ABLIM3: variants seen among roughly 807,000 people sequenced by gnomAD.
The protein encoded by ABLIM3 is actin binding LIM protein family member 3.
Under a neutral mutation model 109.5 loss-of-function variants are expected in ABLIM3, and 61 were observed. The observed-to-expected ratio is 0.56, with a 90% CI of 0.45 to 0.69. The LOEUF (loss-of-function observed/expected upper bound fraction) is 0.69, where lower values mean the gene tolerates loss of function less well. Ranked by LOEUF, ABLIM3 falls within the 30% of genes least tolerant of loss-of-function variation. The pLI, the probability that ABLIM3 is intolerant of heterozygous loss-of-function variation, is 0.00. For synonymous variants in ABLIM3, 300 were observed against 324.8 expected (o/e 0.92, Z 0.82); for missense variants, 796 against 889.5 (o/e 0.89, Z 1.34).
At chr5:149,240,845 C>A in intron 14 of ABLIM3, 71 bp downstream of exon 14, 1 of 1,394,902 alleles carries the variant, frequency 7.2e-7, no homozygotes, top group Non-Finnish European at 1.0e-6. Flanking sequence ...CTGAGTCACC[C>A]CCTCGATGCC....
chr5:149,183,483 G>A lies in ABLIM3; in HGVS notation c.45G>A (p.Arg15=). The A allele has an allele frequency of 6.3e-7, 1 of 1,584,934 alleles. No individual in the cohort carries two copies. The highest frequency in any genetic ancestry group is 8.6e-7 in the Non-Finnish European group (1 of 1,166,296). The part of the protein sequence containing the change: ...IPYQQNPYNP[R]GSSNVIQCYR... ...ATCAGCAGAATCCTTACAATCCACG[G>A]GGCAGCTCCAATGTCATCCAGTGCT... Residue 15 remains arginine, a synonymous_variant, in exon 3 of 24, where the codon CGG becomes CGA. Transcript: ENST00000309868.
chr5:149,251,665 A>G (rs1753940971), intron 21 of ABLIM3, among the ~76,000 whole-genome samples: 1 of 151,768 alleles, frequency 6.6e-6, no homozygotes, highest in Non-Finnish European at 1.5e-5. Flanking sequence ...TCCCAGAACC[A>G]TCACAGAGTT....
intron 5 of ABLIM3, among the ~76,000 whole-genome samples, chr5:149,202,003 A>T (rs1758539066): frequency 6.6e-6 from 1 of 152,264 alleles, no homozygotes; most frequent in South Asian, 2.1e-4. Context: ...TCAAACTAAG[A>T]TACATTGCTT....
chr5:149,242,927 C>T (rs989139402), intron 15 of ABLIM3, among the ~76,000 whole-genome samples: 3 of 152,220 alleles, frequency 2.0e-5, no homozygotes, highest in African/African-American at 7.2e-5. Context: ...CCACCCCAGG[C>T]TTACTGAATT....
chr5:149,239,600 C>T (rs761254471), intron 12 of ABLIM3, among the ~76,000 whole-genome samples, 159 bp from the exon 13 acceptor site: 15 of 150,622 alleles, frequency 1.0e-4, no homozygotes, highest in South Asian at 4.2e-4. Context: ...CCATCTTCCT[C>T]GGGCTGTGTG....
rs191158228 is a variant in ABLIM3, at chr5:149,226,342, G to A, written c.758-4307G>A. On this transcript the variant is annotated intron_variant, in intron 8 of 23. Coordinates refer to ENST00000309868, the MANE Select transcript of ABLIM3 (RefSeq NM_014945.5). The stretch of plus-strand genomic sequence containing the variant: ...CTACTAAAAATACAAAAAATTAGCC[G>A]AGTGTGGTGGCATGCACCTGTAGTC... Among the ~76,000 whole-genome samples, 8 of 152,048 alleles carry A rather than the reference G, an allele frequency of 5.3e-5. No individual in the cohort carries two copies. In the East Asian group the frequency reaches 9.7e-4, roughly 18 times the overall value.
At chr5:149,235,546 C>G (rs1762262002) in intron 10 of ABLIM3, among the ~76,000 whole-genome samples, 1 of 152,090 alleles carries the variant, frequency 6.6e-6, no homozygotes, top group South Asian at 2.1e-4. Context: ...AACAAAGTGG[C>G]TATAGGAAGA....
At position 149,259,760 on chromosome 5, in the gene ABLIM3, G is replaced by A. The variant is rs114525718; in HGVS notation, c.*1356G>A. On this transcript the variant is annotated 3_prime_UTR_variant, in exon 24 of 24. Transcript: ENST00000309868. ...TTCCTTCTTGGAGAAGCCTTGAGTC[G>A]GACCATTTTGAGATCATGGAGGAAG... 9 of 655,524 alleles carry A rather than the reference G, an allele frequency of 1.4e-5. No individual in the cohort carries two copies. The highest frequency in any genetic ancestry group is 3.0e-4 in the Middle Eastern group (1 of 3,376). The allele number at this position is 655,524 out of a possible 1,614,324, so 40.6% of individuals were successfully genotyped here. A position where few individuals can be genotyped will look rare whatever the true frequency, so the allele number is the denominator to read the frequency against.
At position 149,183,546 on chromosome 5, in the gene ABLIM3, C is replaced by A. The variant is rs761747841; in HGVS notation, c.108C>A (p.Arg36=). The A allele has an allele frequency of 6.3e-7, 1 of 1,592,944 alleles. No homozygotes were observed. The highest frequency in any genetic ancestry group is 1.8e-5 in the Admixed American group (1 of 56,708). Residue 36 remains arginine (R), a synonymous_variant, in exon 3 of 24, where the codon CGC becomes CGA. Coordinates refer to ENST00000309868, the MANE Select transcript of ABLIM3 (RefSeq NM_014945.5). The part of the protein sequence containing the change: ...CGDTCKGEVV[R]VHNNHFHIRC... ...ACACCTGCAAAGGGGAAGTGGTCCG[C>A]GTGCACAACAACCACTTCCACATCA...
chr5:149,176,401 C>G (rs1755932486), intron 2 of ABLIM3, among the ~76,000 whole-genome samples: 1 of 152,168 alleles, frequency 6.6e-6, no homozygotes, highest in African/African-American at 2.4e-5. Flanking sequence ...GTTAGATACA[C>G]CTTTACCCCT....
intron 12 of ABLIM3, 126 bp downstream of exon 12, chr5:149,239,403 G>A (rs1381049357): frequency 9.6e-6 from 10 of 1,043,932 alleles, no homozygotes; most frequent in African/African-American, 1.6e-5. Context: ...GCAGGGAAGT[G>A]CTGGAGAGAC....
chr5:149,167,784 T>C (rs1754963983), intron 2 of ABLIM3, among the ~76,000 whole-genome samples: 1 of 151,962 alleles, frequency 6.6e-6, no homozygotes, highest in Admixed American at 6.5e-5. Context: ...TACAAACACA[T>C]CCTTGATTGC....
In ABLIM3 at chr5:149,205,626, G is replaced by T. The variant is rs1041543723; in HGVS notation, c.449-1382G>T. ...CTGGAGTCTAATTATTGGGCAGGGG[G>T]TGCAAGTAGACTTATAGACTTACCC... On this transcript the variant is annotated intron_variant, in intron 5 of 23. Coordinates refer to ENST00000309868, the MANE Select transcript of ABLIM3 (RefSeq NM_014945.5). Among the ~76,000 whole-genome samples, 6 of 152,278 alleles carry T rather than the reference G, an allele frequency of 3.9e-5. No individual in the cohort carries two copies. In the South Asian group the frequency reaches 1.2e-3, roughly 32 times the overall value.
chr5:149,251,265 C>T, intron 20 of ABLIM3, 94 bp from the exon 21 acceptor site: 5 of 1,422,178 alleles, frequency 3.5e-6, no homozygotes, highest in Non-Finnish European at 4.9e-6. Flanking sequence ...CTATGTCCCA[C>T]AAGCGCCAGT....
At chr5:149,255,572 C>T (rs1754355163) in intron 23 of ABLIM3, among the ~76,000 whole-genome samples, 1 of 152,260 alleles carries the variant, frequency 6.6e-6, no homozygotes, top group Non-Finnish European at 1.5e-5. Flanking sequence ...GATTTGGTCT[C>T]ATTGGATGCA....
rs193178759 is a variant in ABLIM3, at chr5:149,258,086, C to G, written c.1939-205C>G. Among the ~76,000 whole-genome samples, 22 of 152,298 alleles carry G rather than the reference C, an allele frequency of 1.4e-4. No individual in the cohort carries two copies. The East Asian group carries it at 4.0e-3, about 28-fold the overall frequency. Reference sequence around the variant, plus strand: ...TCTTCAGCCAAATCAGCTCCAGAGTCCTCCCTGGGAAAATGTTCATTCCAT... The same window carrying G: ...TCTTCAGCCAAATCAGCTCCAGAGTGCTCCCTGGGAAAATGTTCATTCCAT... On this transcript the variant is annotated intron_variant, in intron 23 of 23. Transcript: ENST00000309868.
At chr5:149,234,621 C>T (rs1048553534) in intron 10 of ABLIM3, among the ~76,000 whole-genome samples, 5 of 152,220 alleles carry the variant, frequency 3.3e-5, no homozygotes, top group African/African-American at 1.2e-4. Flanking sequence ...TGGGTCAATA[C>T]TACCATGTGG....
chr5:149,230,329 G>A (rs1761721050), intron 8 of ABLIM3, among the ~76,000 whole-genome samples: 1 of 152,230 alleles, frequency 6.6e-6, no homozygotes, highest in Admixed American at 6.5e-5. Flanking sequence ...AAGGCTGTAT[G>A]TGTGGAAAGA....
chr5:149,234,837 A>C (rs1762190309), intron 10 of ABLIM3, among the ~76,000 whole-genome samples: 1 of 152,176 alleles, frequency 6.6e-6, no homozygotes, highest in Non-Finnish European at 1.5e-5. Context: ...GAATAGGAGC[A>C]CTCAGGAAGC....
Sources: gnomAD v4.1 joint callset for allele counts (sites outside exome capture counted in the v4.1 genomes callset) on GRCh38, gnomAD v4.1.1 for gene constraint, MANE v1.5 for transcripts, NCBI Gene and HGNC (gene_info 2026-07-23, HGNC 2026-07-21) for gene names.